The following PROM1 variants were observed in gnomAD, a reference collection of about 807,000 sequenced individuals.
The protein encoded by PROM1 is prominin 1.
In PROM1, 105 loss-of-function variants were observed where a neutral mutation model predicts 116.9. The ratio of observed to expected loss-of-function variants is 0.90; its 90% CI spans 0.77 to 1.06. The LOEUF (loss-of-function observed/expected upper bound fraction) is 1.06, where lower values mean the gene tolerates loss of function less well. Ranked by LOEUF, PROM1 falls within the 50% of genes least tolerant of loss-of-function variation. The pLI is 0.00. For synonymous variants in PROM1, 393 were observed against 387.0 expected (o/e 1.02, Z -0.18); for missense variants, 1,122 against 1,045.2 (o/e 1.07, Z -1.01).
At chr4:15,997,309 CAT>C (rs143329386) in intron 15 of PROM1, among the ~76,000 whole-genome samples, 31,561 of 142,442 alleles carry the variant, frequency 0.22, 3,998 homozygotes, top group Admixed American at 0.32. Flanking sequence ...GAAATGCAAA[CAT>C]ATATATATAT....
At chr4:16,018,125 C>T (rs982955433) in intron 9 of PROM1, among the ~76,000 whole-genome samples, 198 bp downstream of exon 9, 5 of 152,072 alleles carry the variant, frequency 3.3e-5, no homozygotes, top group Non-Finnish European at 5.9e-5. Context: ...TCTCATGAAG[C>T]GGTTCCCTTT....
Position 16,025,294 on chromosome 4 carries a change from A to C in PROM1, c.528T>G (p.Gly176=). The change falls in exon 6 of 28, where the codon GGT becomes GGG. Residue 176 remains glycine, a synonymous_variant. Transcript: ENST00000447510. ...TTCTTACCTGGTGATTTGCCACAAAACCATAGAAGATGCCAATGCTGCAGG... is the reference window on the plus strand; with the variant it reads ...TTCTTACCTGGTGATTTGCCACAAACCCATAGAAGATGCCAATGCTGCAGG... ...CIIISIGIFY[G]FVANHQVRTR... is the part of the protein sequence containing the mutation. 2 of 1,613,936 alleles carry C rather than the reference A, an allele frequency of 1.2e-6. No individual in the cohort carries two copies. The highest frequency in any genetic ancestry group is 2.2e-5 in the East Asian group (1 of 44,876).
intron 2 of PROM1, among the ~76,000 whole-genome samples, chr4:16,040,107 G>C (rs111363501): frequency 0.016 from 2,496 of 152,124 alleles, 30 homozygotes; most frequent in Middle Eastern, 0.082. Flanking sequence ...ATGTACTAAT[G>C]GGGGGGCAAA....
chr4:16,062,187 G>A (rs911537095), intron 2 of PROM1, among the ~76,000 whole-genome samples: 28 of 151,956 alleles, frequency 1.8e-4, no homozygotes, highest in African/African-American at 3.6e-4. Context: ...CACCGCACCC[G>A]GCCACAAATT....
chr4:16,055,050 CAGA>C (rs1265613814), intron 2 of PROM1, among the ~76,000 whole-genome samples: 29 of 152,298 alleles, frequency 1.9e-4, no homozygotes, highest in Admixed American at 1.3e-3. Flanking sequence ...TTCCTTAAAG[CAGA>C]AGATGTTCTC....
At chr4:15,990,877 A>T (rs1720806506) in intron 18 of PROM1, among the ~76,000 whole-genome samples, 2 of 152,240 alleles carry the variant, frequency 1.3e-5, no homozygotes, top group South Asian at 4.1e-4. Context: ...TATAAATAAG[A>T]CTACAAAACT....
At chr4:16,053,966 C>T (rs1249633825) in intron 2 of PROM1, among the ~76,000 whole-genome samples, 1 of 152,162 alleles carries the variant, frequency 6.6e-6, no homozygotes, top group African/African-American at 2.4e-5. Flanking sequence ...TGGTGGTGAG[C>T]ACTTGTCATC....
chr4:15,978,574 G>A (rs568749011), intron 26 of PROM1, among the ~76,000 whole-genome samples: 210 of 152,312 alleles, frequency 1.4e-3, no homozygotes, highest in Non-Finnish European at 2.3e-3. Flanking sequence ...CATGTGGAGC[G>A]TGGGCCTTCT....
chr4:15,984,051 CAT>C (rs1718648183), intron 23 of PROM1, among the ~76,000 whole-genome samples: 1 of 152,184 alleles, frequency 6.6e-6, no homozygotes, highest in African/African-American at 2.4e-5. Context: ...TCTCCTGACT[CAT>C]AAATATAATC....
intron 2 of PROM1, among the ~76,000 whole-genome samples, chr4:16,041,573 T>C (rs1003499871): frequency 6.6e-5 from 10 of 151,750 alleles, no homozygotes; most frequent in South Asian, 2.1e-4. Flanking sequence ...GCCCAGGAGT[T>C]TGAGACCAGC....
chr4:16,009,326 G>A (rs1466777245), intron 11 of PROM1, among the ~76,000 whole-genome samples: 1 of 152,182 alleles, frequency 6.6e-6, no homozygotes, highest in East Asian at 1.9e-4. Context: ...TGACTTTAAT[G>A]AGATGGTACT....
chr4:16,024,765 T>C (rs1021740539), intron 6 of PROM1, among the ~76,000 whole-genome samples: 5 of 152,134 alleles, frequency 3.3e-5, no homozygotes, highest in African/African-American at 1.2e-4. Flanking sequence ...AGGAATTCGA[T>C]ATATCTATGC....
chr4:15,991,389 C>T (rs1720948707), intron 17 of PROM1, 96 bp from the exon 18 acceptor site: 1 of 789,230 alleles, frequency 1.3e-6, no homozygotes, highest in Admixed American at 3.7e-5. Context: ...GGATTCATAA[C>T]CATAAAGTAA....
chr4:16,036,380 C>T (rs1412657575), intron 3 of PROM1, among the ~76,000 whole-genome samples: 2 of 152,156 alleles, frequency 1.3e-5, no homozygotes, highest in East Asian at 3.8e-4. Context: ...ATCTTCACAG[C>T]TCTGAGGGAA....
chr4:16,041,771 T>A (rs1164598927), intron 2 of PROM1, among the ~76,000 whole-genome samples: 1 of 115,878 alleles, frequency 8.6e-6, no homozygotes, highest in Non-Finnish European at 1.7e-5. Flanking sequence ...AATAAATAAA[T>A]AAATAAATAA....
chr4:16,060,370 T>C (rs961194229), intron 2 of PROM1, among the ~76,000 whole-genome samples: 1 of 151,074 alleles, frequency 6.6e-6, no homozygotes, highest in African/African-American at 2.4e-5. Context: ...AGTGCAGTGG[T>C]GCAATCTCGG....
chr4:16,022,361 T>C lies in PROM1; in HGVS notation c.784+965A>G, dbSNP rs542430276. On this transcript the variant is annotated intron_variant, in intron 8 of 27. Transcript: ENST00000447510. ...ACAGAGGATGTTGTTCGTGATGTTA[T>C]TGTCGATGTCGAGAATGTTGTTGTT... Among the ~76,000 whole-genome samples the C allele has an allele frequency of 3.3e-5, 5 of 152,250 alleles. 1 individual carries two copies. In the South Asian group the frequency reaches 1.0e-3, roughly 32 times the overall value.
At chr4:16,054,432 T>C (rs1243866022) in intron 2 of PROM1, among the ~76,000 whole-genome samples, 5 of 152,216 alleles carry the variant, frequency 3.3e-5, no homozygotes, top group African/African-American at 1.2e-4. Context: ...TTACATCTGC[T>C]GTTCTAGCAT....
At chr4:16,007,877 C>G (rs1725911817) in intron 12 of PROM1, among the ~76,000 whole-genome samples, 1 of 152,070 alleles carries the variant, frequency 6.6e-6, no homozygotes, top group South Asian at 2.1e-4. Context: ...CCCTGGAGCT[C>G]GTTGTTTGTG....
Sources: allele counts gnomAD v4.1 joint callset (sites outside exome capture counted in the v4.1 genomes callset), GRCh38; gene constraint gnomAD v4.1.1; transcripts MANE v1.5; gene names NCBI Gene and HGNC (gene_info 2026-07-23, HGNC 2026-07-21).